PLCB1: variants seen among roughly 807,000 people sequenced by gnomAD.
PLCB1 encodes phospholipase C beta 1.
Under a neutral mutation model 161.8 loss-of-function variants are expected in PLCB1, and 46 were observed. The ratio of observed to expected loss-of-function variants is 0.28; its 90% confidence interval spans 0.22 to 0.36. PLCB1 has a LOEUF of 0.36. PLCB1 is among the 10% of genes least tolerant of loss of function. PLCB1 has a pLI of 1.00. For synonymous variants in PLCB1, 517 were observed against 503.7 expected (o/e 1.03, Z -0.35); for missense variants, 1,016 against 1,472.5 (o/e 0.69, Z 5.07).
intron 14 of PLCB1, among the ~76,000 whole-genome samples, chr20:8,721,507 C>G (rs1010759822): frequency 6.6e-6 from 1 of 152,108 alleles, no homozygotes; most frequent in African/African-American, 2.4e-5. Context: ...TTTAACCTAG[C>G]AGAAATGTCC....
intron 3 of PLCB1, among the ~76,000 whole-genome samples, chr20:8,516,415 T>A (rs992984411): frequency 1.3e-5 from 2 of 151,996 alleles, no homozygotes; most frequent in African/African-American, 2.4e-5. Context: ...ATGGCCAAGA[T>A]CAACATAAAT....
chr20:8,538,795 CTTTT>C (rs3032826), intron 3 of PLCB1, among the ~76,000 whole-genome samples: 1 of 141,646 alleles, frequency 7.1e-6, no homozygotes, highest in Non-Finnish European at 1.5e-5. Flanking sequence ...TTACAGCTAA[CTTTT>C]TTTTTTTTTT....
At chr20:8,540,370 A>T (rs1334318312) in intron 3 of PLCB1, among the ~76,000 whole-genome samples, 3 of 152,134 alleles carry the variant, frequency 2.0e-5, no homozygotes, top group Admixed American at 6.5e-5. Flanking sequence ...TTGGCAGCTC[A>T]CTACGCAGCT....
chr20:8,731,179 G>T (rs576465447), intron 18 of PLCB1, among the ~76,000 whole-genome samples: 36 of 151,776 alleles, frequency 2.4e-4, no homozygotes, highest in African/African-American at 7.5e-4. Context: ...GATATTTATG[G>T]CTTTTTAAAA....
intron 2 of PLCB1, among the ~76,000 whole-genome samples, chr20:8,352,594 T>G (rs1386319728): frequency 6.6e-6 from 1 of 152,006 alleles, no homozygotes; most frequent in African/African-American, 2.4e-5. Context: ...TTGTGACAAA[T>G]AATATCTATA....
intron 2 of PLCB1, among the ~76,000 whole-genome samples, chr20:8,229,722 T>C (rs370491375): frequency 9.3e-5 from 14 of 150,244 alleles, no homozygotes; most frequent in East Asian, 6.0e-4. Flanking sequence ...GAGAGCTTGC[T>C]AGAAATGAAG....
At chr20:8,155,850 A>C (rs2051553793) in intron 2 of PLCB1, among the ~76,000 whole-genome samples, 1 of 152,198 alleles carries the variant, frequency 6.6e-6, no homozygotes. Context: ...AGTTGAAACA[A>C]TAACTTACAT....
intron 3 of PLCB1, among the ~76,000 whole-genome samples, chr20:8,535,171 C>A (rs1209613135): frequency 5.5e-5 from 4 of 73,224 alleles, no homozygotes; most frequent in Admixed American, 2.2e-4. Context: ...TCTATTAGAG[C>A]ATAGGTTTTT....
chr20:8,354,044 A>G (rs1986279563), intron 2 of PLCB1, among the ~76,000 whole-genome samples: 1 of 151,966 alleles, frequency 6.6e-6, no homozygotes, highest in South Asian at 2.1e-4. Flanking sequence ...ACCAAAGCTA[A>G]ACATATAATC....
chr20:8,433,965 GTTTGT>G (rs1980182849), intron 3 of PLCB1, among the ~76,000 whole-genome samples: 1 of 93,734 alleles, frequency 1.1e-5, no homozygotes, highest in African/African-American at 3.5e-5. Context: ...CCCATTATGT[GTTTGT>G]TTTTTGCCCT....
chr20:8,837,299 A>C (rs1455962696), intron 31 of PLCB1, among the ~76,000 whole-genome samples: 1 of 152,206 alleles, frequency 6.6e-6, no homozygotes, highest in African/African-American at 2.4e-5. Context: ...AGTGCAACTC[A>C]TGAGGATTTA....
intron 3 of PLCB1, among the ~76,000 whole-genome samples, chr20:8,390,288 A>G (rs1179216194): frequency 1.4e-4 from 21 of 152,140 alleles, no homozygotes; most frequent in Admixed American, 1.4e-3. Flanking sequence ...CCGCATCTTC[A>G]CGTGGTCCTC....
intron 31 of PLCB1, among the ~76,000 whole-genome samples, chr20:8,813,162 A>T (rs569495577): frequency 3.3e-5 from 5 of 152,212 alleles, no homozygotes; most frequent in Non-Finnish European, 7.3e-5. Context: ...AGTCTCATGA[A>T]CATTAGGTCA....
intron 3 of PLCB1, among the ~76,000 whole-genome samples, chr20:8,473,002 C>T (rs1982121251): frequency 6.6e-6 from 1 of 152,168 alleles, no homozygotes; most frequent in Admixed American, 6.6e-5. Flanking sequence ...ATCCAACTTA[C>T]CCTGCTAGGC....
At chr20:8,745,984 T>C (rs566754623) in intron 23 of PLCB1, among the ~76,000 whole-genome samples, 5 of 152,314 alleles carry the variant, frequency 3.3e-5, no homozygotes, top group African/African-American at 1.2e-4. Flanking sequence ...CAGGCTGGAG[T>C]GCAGTGGCAT....
chr20:8,220,931 G>T (rs74889858), intron 2 of PLCB1, among the ~76,000 whole-genome samples: 1,851 of 152,264 alleles, frequency 0.012, 43 homozygotes, highest in African/African-American at 0.042. Context: ...AATAGAAGCA[G>T]TTAGCCTAAG....
At chr20:8,535,476 A>C (rs1453961448) in intron 3 of PLCB1, among the ~76,000 whole-genome samples, 1 of 152,184 alleles carries the variant, frequency 6.6e-6, no homozygotes, top group Non-Finnish European at 1.5e-5. Flanking sequence ...GAAGTTAAAA[A>C]ATTGAATAAA....
chr20:8,578,933 A>T (rs1240658907), intron 3 of PLCB1, among the ~76,000 whole-genome samples: 1 of 152,202 alleles, frequency 6.6e-6, no homozygotes, highest in African/African-American at 2.4e-5. Context: ...ATAAATACTG[A>T]TTCATTACAA....
rs775526031 is a variant in PLCB1, at chr20:8,724,648, A to C, written c.1582-8A>C. 2 of 1,504,222 alleles carry C rather than the reference A, an allele frequency of 1.3e-6. No homozygotes were observed. Among genetic ancestry groups the C allele is most frequent in the Non-Finnish European group, 1.8e-6 (2 of 1,084,508 alleles). The allele number at this position is 1,504,222 out of a possible 1,614,324, so 93.2% of individuals were successfully genotyped here. On this transcript the variant is annotated splice_region_variant and splice_polypyrimidine_tract_variant and intron_variant, in intron 15 of 31. Coordinates refer to ENST00000338037, the MANE Select transcript of PLCB1 (RefSeq NM_015192.4). ...TGGAAATGTTTTCTTTTTTATTCCT[A>C]CTTCCAGGGGACTGCTGGAAGTGAG... is the stretch of plus-strand genomic sequence containing the variant.
Sources: allele counts gnomAD v4.1 joint callset (sites outside exome capture counted in the v4.1 genomes callset), GRCh38; gene constraint gnomAD v4.1.1; transcripts MANE v1.5; gene names NCBI Gene and HGNC (gene_info 2026-07-23, HGNC 2026-07-21).